The following TFDP2 variants were observed in gnomAD, a reference collection of about 807,000 sequenced individuals.
The protein encoded by TFDP2 is transcription factor Dp-2, also known as transcription factor Dp-2 (E2F dimerization partner 2).
TFDP2 carries 17 observed loss-of-function variants against 59.3 expected under a neutral mutation model. The observed-to-expected ratio is 0.29, with a 90% CI of 0.20 to 0.43. The LOEUF (loss-of-function observed/expected upper bound fraction) is 0.43, where lower values mean the gene tolerates loss of function less well. TFDP2 is among the 20% of genes least tolerant of loss of function. The pLI, the probability that TFDP2 is intolerant of heterozygous loss-of-function variation, is 1.00. For missense variants in TFDP2, 391 were observed against 528.8 expected (o/e 0.74, Z 2.56); for synonymous variants, 180 against 194.7 (o/e 0.92, Z 0.63).
chr3:142,118,233 C>CA (rs2061911329), intron 1 of TFDP2, among the ~76,000 whole-genome samples: 1 of 152,150 alleles, frequency 6.6e-6, no homozygotes, highest in African/African-American at 2.4e-5. Flanking sequence ...AGAACCTTCA[C>CA]AAAAGAGAGC....
intron 3 of TFDP2, among the ~76,000 whole-genome samples, chr3:142,074,361 A>G (rs997472056): frequency 6.6e-6 from 1 of 151,616 alleles, no homozygotes; most frequent in African/African-American, 2.4e-5. Flanking sequence ...GTGAGTTGAG[A>G]TTATACCACT....
At chr3:142,136,919 C>T (rs6773377) in intron 1 of TFDP2, among the ~76,000 whole-genome samples, 134,988 of 152,040 alleles carry the variant, frequency 0.89, 60,260 homozygotes, top group African/African-American at 0.97. Context: ...TTTCCAATTC[C>T]GTAAGAAAGT....
At chr3:141,992,358 C>A (rs11569215) in intron 6 of TFDP2, among the ~76,000 whole-genome samples, 1 of 152,046 alleles carries the variant, frequency 6.6e-6, no homozygotes. Context: ...TAACCTAACA[C>A]TTTTATGTGT....
At chr3:142,043,930 G>C in intron 3 of TFDP2, 2 of 831,790 alleles carry the variant, frequency 2.4e-6, no homozygotes, top group Non-Finnish European at 4.2e-6. Context: ...GACCTTCTCT[G>C]GCATTCGCGC....
chr3:142,133,782 G>C (rs1246307316), intron 1 of TFDP2, among the ~76,000 whole-genome samples: 4 of 152,072 alleles, frequency 2.6e-5, no homozygotes, highest in African/African-American at 9.7e-5. Flanking sequence ...ACAGGTGTGA[G>C]TCACCACACC....
At chr3:141,984,460 G>A (rs182717783) in intron 6 of TFDP2, among the ~76,000 whole-genome samples, 33 of 152,122 alleles carry the variant, frequency 2.2e-4, no homozygotes, top group African/African-American at 7.5e-4. Flanking sequence ...TCACGCCACC[G>A]TACACGCCTG....
At chr3:142,134,297 C>T (rs185402468) in intron 1 of TFDP2, among the ~76,000 whole-genome samples, 3 of 150,292 alleles carry the variant, frequency 2.0e-5, no homozygotes, top group Non-Finnish European at 4.4e-5. Context: ...TGCAGTGGGC[C>T]GAGACCGTGC....
At chr3:142,145,187 A>T (rs2063124174) in intron 1 of TFDP2, among the ~76,000 whole-genome samples, 1 of 152,214 alleles carries the variant, frequency 6.6e-6, no homozygotes, top group Non-Finnish European at 1.5e-5. Flanking sequence ...AAGATAAAAG[A>T]CAGTTCCTAA....
intron 3 of TFDP2, among the ~76,000 whole-genome samples, chr3:142,016,137 G>A (rs773213703): frequency 1.5e-4 from 23 of 150,920 alleles, no homozygotes; most frequent in Non-Finnish European, 1.6e-4. Context: ...TCAGCCTCCC[G>A]AGTAGCTGGA....
At chr3:142,054,864 A>T (rs1371329822) in intron 3 of TFDP2, among the ~76,000 whole-genome samples, 2 of 152,206 alleles carry the variant, frequency 1.3e-5, no homozygotes, top group African/African-American at 2.4e-5. Context: ...GACATAAGAG[A>T]TGGTACAATC....
At position 141,945,225 on chromosome 3, in the gene TFDP2, G is replaced by T. The variant is rs1027381083; in HGVS notation, c.*7288C>A. 6.6e-6 allele frequency: 1 copy of T among 152,090 alleles called. No individual in the cohort carries two copies. The highest frequency in any genetic ancestry group is 1.5e-5 in the Non-Finnish European group (1 of 68,128). The allele number at this position is 152,090 out of a possible 1,614,324, so 9.4% of individuals were successfully genotyped here. A position where few individuals can be genotyped will look rare whatever the true frequency, so the allele number is the denominator to read the frequency against. ...GCTCATTGCAACTTTTGCCTCCTGGGTTCAAGAGATTCTCCTGCCTCAGCC... is the reference window on the plus strand; with the variant it reads ...GCTCATTGCAACTTTTGCCTCCTGGTTTCAAGAGATTCTCCTGCCTCAGCC... On this transcript the variant is annotated 3_prime_UTR_variant, in exon 13 of 13. Coordinates refer to ENST00000489671, the MANE Select transcript of TFDP2 (RefSeq NM_001178139.2).
intron 5 of TFDP2, 39 bp downstream of exon 5, chr3:141,994,981 T>C (rs11569201): frequency 0.094 from 139,302 of 1,485,042 alleles, 7,214 homozygotes; most frequent in Non-Finnish European, 0.11. Flanking sequence ...TCTAAACTTT[T>C]TTTAAGGTTT....
At chr3:142,076,737 T>C (rs1266907963) in intron 3 of TFDP2, among the ~76,000 whole-genome samples, 1 of 152,208 alleles carries the variant, frequency 6.6e-6, no homozygotes, top group Non-Finnish European at 1.5e-5. Context: ...GTTTCTTCAG[T>C]TGTCACAAAA....
At chr3:142,047,268 C>T (rs1202081969) in intron 3 of TFDP2, among the ~76,000 whole-genome samples, 2 of 152,168 alleles carry the variant, frequency 1.3e-5, no homozygotes, top group Admixed American at 1.3e-4. Context: ...AGATTACAAT[C>T]ATGCCTACTC....
chr3:142,109,884 C>G (rs539453923), intron 1 of TFDP2, among the ~76,000 whole-genome samples: 14 of 152,058 alleles, frequency 9.2e-5, no homozygotes, highest in Admixed American at 3.9e-4. Flanking sequence ...GTTCACTGCT[C>G]CCTTTATTTT....
At chr3:142,058,554 C>T (rs1410897575) in intron 3 of TFDP2, among the ~76,000 whole-genome samples, 3 of 152,084 alleles carry the variant, frequency 2.0e-5, no homozygotes, top group East Asian at 1.9e-4. Flanking sequence ...CCCATGACCC[C>T]GCCTCAGATT....
chr3:142,069,549 T>A (rs750524101), intron 3 of TFDP2, among the ~76,000 whole-genome samples: 1 of 151,992 alleles, frequency 6.6e-6, no homozygotes, highest in African/African-American at 2.4e-5. Flanking sequence ...ACCAGTAGTA[T>A]AGGAAAGCAT....
At chr3:142,036,355 C>T (rs1042380921) in intron 3 of TFDP2, among the ~76,000 whole-genome samples, 1 of 152,098 alleles carries the variant, frequency 6.6e-6, no homozygotes, top group African/African-American at 2.4e-5. Context: ...CCTCCAAAAC[C>T]CATAGAAAAT....
chr3:141,949,255 C>G lies in TFDP2; in HGVS notation c.*3258G>C, dbSNP rs972546195. 6.6e-6 allele frequency: 1 copy of G among 152,006 alleles called. No individual in the cohort carries two copies. The highest frequency in any genetic ancestry group is 1.5e-5 in the Non-Finnish European group (1 of 68,018). The allele number at this position is 152,006 out of a possible 1,614,324, so 9.4% of individuals were successfully genotyped here. ...TGCTAAAATGGTAGAAACCACATAG[C>G]TTTTTCTTCCCAGCACTTCTTTAAA... On this transcript the variant is annotated 3_prime_UTR_variant, in exon 13 of 13. Coordinates refer to ENST00000489671, the MANE Select transcript of TFDP2 (RefSeq NM_001178139.2).
Sources: allele counts gnomAD v4.1 joint callset (sites outside exome capture counted in the v4.1 genomes callset), GRCh38; gene constraint gnomAD v4.1.1; transcripts MANE v1.5; gene names NCBI Gene and HGNC (gene_info 2026-07-23, HGNC 2026-07-21).